MCC: variants seen among roughly 807,000 people sequenced by gnomAD.
The protein encoded by MCC is MCC regulator of Wnt signaling pathway.
In MCC, 90 loss-of-function variants were observed where a neutral mutation model predicts 116.2. The ratio of observed to expected loss-of-function variants is 0.77; its 90% CI spans 0.65 to 0.92. The LOEUF (loss-of-function observed/expected upper bound fraction) is 0.92. Among genes scored for constraint, MCC ranks in the 40% least tolerant of loss-of-function variants. MCC has a pLI of 0.00. For synonymous variants in MCC, 578 were observed against 510.5 expected (o/e 1.13, Z -1.78); for missense variants, 1,516 against 1,312.2 (o/e 1.16, Z -2.40).
At chr5:113,138,100 T>TC (rs1758947997) in intron 5 of MCC, among the ~76,000 whole-genome samples, 1 of 151,714 alleles carries the variant, frequency 6.6e-6, no homozygotes, top group Non-Finnish European at 1.5e-5. Context: ...CACTGCAACC[T>TC]CCACCTCCTG....
chr5:113,192,176 C>G (rs1299103011), intron 3 of MCC, among the ~76,000 whole-genome samples: 4 of 152,178 alleles, frequency 2.6e-5, no homozygotes, highest in Non-Finnish European at 4.4e-5. Flanking sequence ...CCACCAGGCT[C>G]TAAGGAAGCA....
chr5:113,159,963 A>G (rs1470473610), intron 3 of MCC, among the ~76,000 whole-genome samples: 3 of 152,256 alleles, frequency 2.0e-5, no homozygotes, highest in Non-Finnish European at 4.4e-5. Context: ...GCAGCTTTTC[A>G]TCTTTCCTTT....
At chr5:113,094,978 T>A (rs1318298468) in intron 8 of MCC, among the ~76,000 whole-genome samples, 1 of 152,116 alleles carries the variant, frequency 6.6e-6, no homozygotes, top group Non-Finnish European at 1.5e-5. Context: ...CTGCCTTGGA[T>A]TCCCCCTAAA....
chr5:113,316,128 C>T (rs754245664), intron 3 of MCC, among the ~76,000 whole-genome samples: 57 of 151,830 alleles, frequency 3.8e-4, no homozygotes, highest in African/African-American at 8.2e-4. Context: ...TATTGGCACA[C>T]GCCTGTAATC....
chr5:113,175,255 A>G (rs528689460), intron 3 of MCC, among the ~76,000 whole-genome samples: 6 of 152,374 alleles, frequency 3.9e-5, no homozygotes, highest in Non-Finnish European at 8.8e-5. Flanking sequence ...TCTCAGATGT[A>G]GAACAAACAA....
chr5:113,042,530 G>A (rs1363713133), intron 17 of MCC, among the ~76,000 whole-genome samples: 5 of 146,454 alleles, frequency 3.4e-5, no homozygotes, highest in African/African-American at 1.3e-4. Context: ...TCAAAGAGAT[G>A]CATATCACTA....
At chr5:113,052,368 G>A (rs1315597042) in intron 15 of MCC, among the ~76,000 whole-genome samples, 1 of 151,776 alleles carries the variant, frequency 6.6e-6, no homozygotes, top group African/African-American at 2.4e-5. Context: ...TAAGCAATGA[G>A]AGGTGGAATC....
At chr5:113,476,406 T>C (rs956973435) in intron 1 of MCC, among the ~76,000 whole-genome samples, 1 of 152,196 alleles carries the variant, frequency 6.6e-6, no homozygotes, top group Non-Finnish European at 1.5e-5. Flanking sequence ...TTATGGTCTA[T>C]TGATTTTTGA....
At chr5:113,425,990 A>T (rs187618475) in intron 1 of MCC, among the ~76,000 whole-genome samples, 20 of 152,254 alleles carry the variant, frequency 1.3e-4, no homozygotes, top group African/African-American at 4.6e-4. Flanking sequence ...ACCCAGGCAG[A>T]AGCTCAAAGA....
chr5:113,212,519 A>C (rs1045830922), intron 3 of MCC, among the ~76,000 whole-genome samples: 1 of 152,158 alleles, frequency 6.6e-6, no homozygotes, highest in African/African-American at 2.4e-5. Context: ...TATAATGTTA[A>C]CATTCTTGGT....
chr5:113,114,831 T>C (rs1344966151), intron 6 of MCC, among the ~76,000 whole-genome samples: 2 of 152,184 alleles, frequency 1.3e-5, no homozygotes, highest in African/African-American at 2.4e-5. Context: ...CCACTTTTAT[T>C]GGCAATAAAA....
At position 113,385,068 on chromosome 5, in the gene MCC, C is replaced by T; in HGVS notation, c.315G>A (p.Arg105=). Residue 105 remains arginine (R), a synonymous_variant, in exon 2 of 19, where the codon AGG becomes AGA. Coordinates refer to ENST00000408903, the MANE Select transcript of MCC (RefSeq NM_001085377.2). ...RCRMQLVREI[R]KEEVDLSAKS... is the part of the protein sequence containing the mutation. ...TTGCAGAAAGATCTACTTCCTCCTTCCTAATTTCTCGAACAAGCTGCATGC... is the reference window on the plus strand; with the variant it reads ...TTGCAGAAAGATCTACTTCCTCCTTTCTAATTTCTCGAACAAGCTGCATGC... 1 of 1,614,210 alleles carries T rather than the reference C, an allele frequency of 6.2e-7. No individual in the cohort carries two copies. Among genetic ancestry groups the T allele is most frequent in the Non-Finnish European group, 8.5e-7 (1 of 1,180,034 alleles).
intron 1 of MCC, among the ~76,000 whole-genome samples, chr5:113,451,964 A>G (rs1360528253): frequency 2.0e-5 from 3 of 152,188 alleles, no homozygotes; most frequent in Non-Finnish European, 4.4e-5. Context: ...GGCTGGAATG[A>G]TCAAGATGGC....
intron 2 of MCC, among the ~76,000 whole-genome samples, chr5:113,378,389 T>C (rs574237576): frequency 2.2e-4 from 33 of 152,294 alleles, no homozygotes; most frequent in Middle Eastern, 3.4e-3. Context: ...CAGGTGAGAA[T>C]CTACCTCAAG....
At chr5:113,133,615 G>C (rs1170730524) in intron 5 of MCC, among the ~76,000 whole-genome samples, 5 of 152,074 alleles carry the variant, frequency 3.3e-5, no homozygotes, top group Non-Finnish European at 7.4e-5. Context: ...TCAATATATT[G>C]ATGTCTTTTC....
intron 13 of MCC, among the ~76,000 whole-genome samples, chr5:113,065,258 C>T (rs766320952): frequency 6.6e-5 from 10 of 152,066 alleles, no homozygotes; most frequent in South Asian, 4.2e-4. Context: ...TGGTGGGGGA[C>T]GCTGAAAACG....
Position 113,101,893 on chromosome 5 carries a change from G to T in MCC, c.1244C>A (p.Ala415Asp). 1 of 1,613,796 alleles carries T rather than the reference G, an allele frequency of 6.2e-7. No individual in the cohort carries two copies. The highest frequency in any genetic ancestry group is 8.5e-7 in the Non-Finnish European group (1 of 1,180,010). Residue 415 changes from alanine to aspartate, a missense_variant, in exon 8 of 19, where the codon GCT (alanine) becomes GAT (aspartate). By Grantham distance (126) the Ala-to-Asp change is moderately radical. Transcript: ENST00000408903. ...VLGRDLYPNL[A>D]EERSRWEKEL... ...CTTCTCCCACCGAGACCTCTCTTCA[G>T]CCAGGTTGGGATACAGGTCCCGGCC...
At chr5:113,125,856 C>G (rs1758019179) in intron 5 of MCC, among the ~76,000 whole-genome samples, 1 of 152,124 alleles carries the variant, frequency 6.6e-6, no homozygotes, top group Admixed American at 6.5e-5. Flanking sequence ...TCTTCTCAAG[C>G]AATAACTTAT....
At chr5:113,453,820 TAA>T in intron 1 of MCC, among the ~76,000 whole-genome samples, 1 of 152,246 alleles carries the variant, frequency 6.6e-6, no homozygotes, top group Admixed American at 6.5e-5. Flanking sequence ...ACTTAAAAAT[TAA>T]AGTAATAGCC....
Sources: gnomAD v4.1 joint callset for allele counts (sites outside exome capture counted in the v4.1 genomes callset) on GRCh38, gnomAD v4.1.1 for gene constraint, MANE v1.5 for transcripts, NCBI Gene and HGNC (gene_info 2026-07-23, HGNC 2026-07-21) for gene names.